Variants in NRG1 observed in about 807,000 individuals in gnomAD.
NRG1 encodes the protein pro-neuregulin-1, membrane-bound isoform.
NRG1 carries 18 observed loss-of-function variants against 63.8 expected under a neutral mutation model. The ratio of observed to expected loss-of-function variants is 0.28; its 90% CI spans 0.19 to 0.42. The LOEUF is 0.42. Among genes scored for constraint, NRG1 ranks in the 10% least tolerant of loss-of-function variants. NRG1 has a pLI of 1.00. For synonymous variants in NRG1, 302 were observed against 301.3 expected, an observed-to-expected ratio of 1.00 and a Z score of -0.02; for missense variants, 762 against 814.7, an observed-to-expected ratio of 0.94 and a Z score of 0.79.
chr8:32,507,246 G>A (rs1035785258), intron 1 of NRG1, among the ~76,000 whole-genome samples: 21 of 152,172 alleles, frequency 1.4e-4, no homozygotes, highest in African/African-American at 4.3e-4. Flanking sequence ...GTTAAGGGGA[G>A]GCAGAGGGTA....
chr8:32,614,382 G>T, intron 3 of NRG1, 132 bp from the exon 4 acceptor site: 6 of 754,532 alleles, frequency 8.0e-6, no homozygotes, highest in Non-Finnish European at 1.4e-5. Context: ...TATGGTTAAA[G>T]CCTGGACTTT....
chr8:32,193,787 CTG>C (rs1842720708), intron 1 of NRG1, among the ~76,000 whole-genome samples: 1 of 152,106 alleles, frequency 6.6e-6, no homozygotes, highest in African/African-American at 2.4e-5. Context: ...TCCAATATGA[CTG>C]GTATTTTTAT....
At chr8:31,754,853 A>G (rs975287900) in intron 1 of NRG1, among the ~76,000 whole-genome samples, 7 of 152,100 alleles carry the variant, frequency 4.6e-5, no homozygotes, top group African/African-American at 1.7e-4. Flanking sequence ...AAAACTTCCT[A>G]GTAATGATTC....
chr8:31,683,760 T>C (rs1168628056), intron 1 of NRG1, among the ~76,000 whole-genome samples: 1 of 152,066 alleles, frequency 6.6e-6, no homozygotes, highest in East Asian at 1.9e-4. Flanking sequence ...TGCTGGGGGA[T>C]GACCATCGTG....
chr8:32,486,225 C>A (rs1825882290), intron 1 of NRG1, among the ~76,000 whole-genome samples: 1 of 152,182 alleles, frequency 6.6e-6, no homozygotes, highest in Admixed American at 6.5e-5. Context: ...AGCCACCGCA[C>A]CCAGCCTCAG....
intron 1 of NRG1, among the ~76,000 whole-genome samples, chr8:32,352,389 G>T (rs1000013597): frequency 2.7e-5 from 4 of 149,718 alleles, no homozygotes; most frequent in African/African-American, 9.9e-5. Flanking sequence ...ATGTTAGACG[G>T]GATTATCTAC....
intron 1 of NRG1, chr8:32,026,100 G>C (rs1305834179): frequency 6.9e-6 from 1 of 144,488 alleles, no homozygotes; most frequent in Admixed American, 7.0e-5. Context: ...ACGGAGTCTC[G>C]CTCTGTCGCC....
At chr8:31,969,790 T>C (rs903799853) in intron 1 of NRG1, among the ~76,000 whole-genome samples, 1 of 152,152 alleles carries the variant, frequency 6.6e-6, no homozygotes. Context: ...ACCCCTCCTT[T>C]AGGATGTCTC....
chr8:31,680,230 C>T (rs906256680), intron 1 of NRG1, among the ~76,000 whole-genome samples: 60 of 151,588 alleles, frequency 4.0e-4, no homozygotes, highest in Non-Finnish European at 3.2e-4. Flanking sequence ...CATGCTGGTG[C>T]GCTGCACCCA....
chr8:31,768,426 A>G (rs1818291347), intron 1 of NRG1, among the ~76,000 whole-genome samples: 1 of 152,200 alleles, frequency 6.6e-6, no homozygotes, highest in Admixed American at 6.5e-5. Flanking sequence ...TGTGGTAATC[A>G]GCTGAATTAG....
At chr8:32,486,702 G>A (rs1252545210) in intron 1 of NRG1, among the ~76,000 whole-genome samples, 1 of 149,262 alleles carries the variant, frequency 6.7e-6, no homozygotes, top group African/African-American at 2.5e-5. Context: ...TTGGCACACT[G>A]CAACCTCCAC....
At chr8:32,648,426 A>C in intron 5 of NRG1, 1 of 1,594,756 alleles carries the variant, frequency 6.3e-7, no homozygotes, top group Middle Eastern at 1.7e-4. Context: ...ATGATGAATA[A>C]AAGGGGTGGG....
rs534052983 is a variant in NRG1 at position 32,144,521 on chromosome 8, T to C, written c.38-451307T>C. 2.1e-4 allele frequency among the ~76,000 whole-genome samples: 32 copies of C among 152,314 alleles called. No individual in the cohort carries two copies. The South Asian group carries it at 4.1e-3, about 20-fold the overall frequency. ...TCTCATAAGTCCATTACTGTTCTTC[T>C]ATAAATCAGGCTGCCTGTTTTGCAT... On this transcript the variant is annotated intron_variant, in intron 1 of 10. Transcript: ENST00000519301.
intron 1 of NRG1, among the ~76,000 whole-genome samples, chr8:32,118,530 A>G (rs1013489421): frequency 6.6e-6 from 1 of 152,158 alleles, no homozygotes; most frequent in Non-Finnish European, 1.5e-5. Flanking sequence ...CTTTATAAGT[A>G]ACTGAGCCTC....
intron 2 of NRG1, among the ~76,000 whole-genome samples, chr8:32,604,987 C>T (rs182555241): frequency 4.7e-4 from 71 of 152,188 alleles, no homozygotes; most frequent in African/African-American, 1.3e-3. Flanking sequence ...GTACTATGCT[C>T]CCAGCAATGA....
intron 5 of NRG1, among the ~76,000 whole-genome samples, chr8:32,681,241 A>T (rs1340419161): frequency 6.6e-6 from 1 of 152,208 alleles, no homozygotes; most frequent in Non-Finnish European, 1.5e-5. Flanking sequence ...GACTAAATGT[A>T]AAATATAATC....
intron 1 of NRG1, among the ~76,000 whole-genome samples, chr8:31,945,127 G>A (rs549257691): frequency 1.2e-3 from 177 of 152,206 alleles, no homozygotes; most frequent in African/African-American, 4.2e-3. Flanking sequence ...ATCATTCTAA[G>A]CTTCTTACTC....
intron 1 of NRG1, among the ~76,000 whole-genome samples, chr8:31,875,077 A>T (rs1829801776): frequency 6.6e-6 from 1 of 152,184 alleles, no homozygotes; most frequent in Admixed American, 6.5e-5. Context: ...CATCTAAGTG[A>T]TGCCGTTGAG....
intron 1 of NRG1, among the ~76,000 whole-genome samples, chr8:32,564,788 T>A (rs1837125028): frequency 6.6e-6 from 1 of 152,054 alleles, no homozygotes; most frequent in Admixed American, 6.5e-5. Context: ...TGGCTGGGCG[T>A]GGTGGCTCAC....
Sources: gnomAD v4.1 joint callset for allele counts (sites outside exome capture counted in the v4.1 genomes callset) on GRCh38, gnomAD v4.1.1 for gene constraint, MANE v1.5 for transcripts, NCBI Gene and HGNC (gene_info 2026-07-23, HGNC 2026-07-21) for gene names.